The following EFNA5 variants were observed in gnomAD, a reference collection of about 807,000 sequenced individuals.
EFNA5 encodes ephrin A5.
EFNA5 carries 5 observed loss-of-function variants against 22.9 expected under a neutral mutation model. That is an observed-to-expected ratio of 0.22 (90% CI 0.11 to 0.46). The LOEUF is 0.46. EFNA5 is among the 20% of genes least tolerant of loss of function. The probability of loss-of-function intolerance (pLI) is 0.99; values close to 1 mark genes in which losing one functional copy is unlikely to be tolerated. For missense variants in EFNA5, 237 were observed against 293.3 expected (o/e 0.81, Z 1.40); for synonymous variants, 113 against 112.2 (o/e 1.01, Z -0.04).
chr5:107,407,045 A>G lies in EFNA5; in HGVS notation c.419-19274T>C, dbSNP rs183936188. 2.6e-3 allele frequency among the ~76,000 whole-genome samples: 394 copies of G among 152,352 alleles called. 3 individuals carry two copies. The highest frequency in any genetic ancestry group is 9.0e-3 in the African/African-American group (374 of 41,580). On this transcript the variant is annotated intron_variant, in intron 2 of 4. Coordinates refer to ENST00000333274, the MANE Select transcript of EFNA5 (RefSeq NM_001962.3). Reference sequence around the variant, plus strand: ...ATAAGTAGCTTATTTTTCAACATATACTAGGTTTTTCTTCACATTTGTGCA... The same window carrying G: ...ATAAGTAGCTTATTTTTCAACATATGCTAGGTTTTTCTTCACATTTGTGCA...
rs1580500101 is a variant in EFNA5 at position 107,503,978 on chromosome 5, A to C, written c.126-76469T>G. ...GCTACCTTTAAACTAATAATCAGGCAATTCTCCTCATTCTTCATGACTTAA... is the reference window on the plus strand; with the variant it reads ...GCTACCTTTAAACTAATAATCAGGCCATTCTCCTCATTCTTCATGACTTAA... On this transcript the variant is annotated intron_variant, in intron 1 of 4. Transcript: ENST00000333274. 2.0e-5 allele frequency among the ~76,000 whole-genome samples: 3 copies of C among 152,330 alleles called. No homozygotes were observed. In the East Asian group the frequency reaches 5.8e-4, roughly 29 times the overall value.
chr5:107,597,455 A>T (rs1402629968), intron 1 of EFNA5, among the ~76,000 whole-genome samples: 4 of 152,186 alleles, frequency 2.6e-5, no homozygotes, highest in African/African-American at 9.6e-5. Flanking sequence ...AACATCATCT[A>T]GTTTTTTCAG....
At chr5:107,585,628 C>T (rs532424357) in intron 1 of EFNA5, among the ~76,000 whole-genome samples, 1 of 152,180 alleles carries the variant, frequency 6.6e-6, no homozygotes, top group Non-Finnish European at 1.5e-5. Context: ...AGATACTACA[C>T]CCACTATCCA....
intron 1 of EFNA5, among the ~76,000 whole-genome samples, chr5:107,617,113 A>G (rs977654592): frequency 6.6e-6 from 1 of 151,932 alleles, no homozygotes; most frequent in African/African-American, 2.4e-5. Flanking sequence ...AGAAAATATT[A>G]ACCCTAATTC....
At chr5:107,599,651 C>T (rs1182902965) in intron 1 of EFNA5, among the ~76,000 whole-genome samples, 2 of 152,182 alleles carry the variant, frequency 1.3e-5, no homozygotes, top group Admixed American at 6.5e-5. Flanking sequence ...ATGTAGTAAT[C>T]ATAAATATCA....
chr5:107,483,916 C>G (rs1312559663), intron 1 of EFNA5, among the ~76,000 whole-genome samples: 1 of 152,174 alleles, frequency 6.6e-6, no homozygotes, highest in African/African-American at 2.4e-5. Context: ...CAGAGTTACT[C>G]CCTGAGAGAG....
intron 1 of EFNA5, among the ~76,000 whole-genome samples, chr5:107,475,946 T>A (rs759955813): frequency 6.8e-6 from 1 of 148,100 alleles, no homozygotes; most frequent in African/African-American, 2.5e-5. Context: ...TCAAACTGTG[T>A]TCATGTTTTT....
chr5:107,610,307 G>T (rs975723019), intron 1 of EFNA5, among the ~76,000 whole-genome samples: 2 of 152,216 alleles, frequency 1.3e-5, no homozygotes, highest in Non-Finnish European at 2.9e-5. Context: ...ATATCATGAG[G>T]GGAGCATTTA....
At chr5:107,640,976 G>GCAGATAGA (rs1220449654) in intron 1 of EFNA5, among the ~76,000 whole-genome samples, 78 of 145,562 alleles carry the variant, frequency 5.4e-4, no homozygotes, top group Middle Eastern at 3.6e-3. Flanking sequence ...AGGTAGGCAG[G>GCAGATAGA]TAGATAGATA....
At chr5:107,415,502 G>T (rs1156730908) in intron 2 of EFNA5, among the ~76,000 whole-genome samples, 1 of 152,058 alleles carries the variant, frequency 6.6e-6, no homozygotes, top group Non-Finnish European at 1.5e-5. Context: ...GGAGAGGCGA[G>T]GCCAGTAAGA....
At chr5:107,395,037 T>TTTTTTTTTTTTC (rs977401864) in intron 2 of EFNA5, among the ~76,000 whole-genome samples, 6 of 125,410 alleles carry the variant, frequency 4.8e-5, no homozygotes, top group Non-Finnish European at 8.3e-5. Context: ...TCTAGTTCTT[T>TTTTTTTTTTTTC]TTTTTTTTTT....
At chr5:107,463,192 T>G (rs1163775854) in intron 1 of EFNA5, among the ~76,000 whole-genome samples, 1 of 152,134 alleles carries the variant, frequency 6.6e-6, no homozygotes, top group East Asian at 1.9e-4. Context: ...GGTAATTCAG[T>G]TTGATCATTT....
At chr5:107,538,585 A>G (rs1747974657) in intron 1 of EFNA5, among the ~76,000 whole-genome samples, 1 of 152,202 alleles carries the variant, frequency 6.6e-6, no homozygotes, top group Non-Finnish European at 1.5e-5. Context: ...TAGCACAAGC[A>G]AAGCTGACAA....
chr5:107,403,653 T>C (rs1463890253), intron 2 of EFNA5, among the ~76,000 whole-genome samples: 1 of 152,256 alleles, frequency 6.6e-6, no homozygotes, highest in Non-Finnish European at 1.5e-5. Context: ...ATATTGAACA[T>C]ACATATTCAC....
chr5:107,445,946 T>C (rs1254544764), intron 1 of EFNA5, among the ~76,000 whole-genome samples: 1 of 150,420 alleles, frequency 6.6e-6, no homozygotes, highest in Non-Finnish European at 1.5e-5. Context: ...ATCTGATAAC[T>C]GAGAATAAAC....
intron 1 of EFNA5, among the ~76,000 whole-genome samples, chr5:107,465,196 C>T (rs1160327085): frequency 6.6e-6 from 1 of 152,082 alleles, no homozygotes; most frequent in Non-Finnish European, 1.5e-5. Flanking sequence ...ACTTACATTA[C>T]ACCAGATTTC....
chr5:107,566,913 T>C (rs1029100433), intron 1 of EFNA5, among the ~76,000 whole-genome samples: 23 of 152,250 alleles, frequency 1.5e-4, no homozygotes, highest in African/African-American at 5.5e-4. Flanking sequence ...TCTTGACTAA[T>C]CCTTGAAGGA....
chr5:107,595,932 C>T (rs995690333), intron 1 of EFNA5, among the ~76,000 whole-genome samples: 15 of 152,146 alleles, frequency 9.9e-5, no homozygotes, highest in Admixed American at 2.6e-4. Context: ...AAAAAGAACA[C>T]ATATTCATAG....
At chr5:107,463,570 A>C (rs988248214) in intron 1 of EFNA5, among the ~76,000 whole-genome samples, 32 of 152,234 alleles carry the variant, frequency 2.1e-4, no homozygotes, top group African/African-American at 7.2e-4. Flanking sequence ...GGATTCAGTA[A>C]GAAATTGTGA....
Sources: gnomAD v4.1 joint callset for allele counts (sites outside exome capture counted in the v4.1 genomes callset) on GRCh38, gnomAD v4.1.1 for gene constraint, MANE v1.5 for transcripts, NCBI Gene and HGNC (gene_info 2026-07-23, HGNC 2026-07-21) for gene names.